Variants in SMG7 observed in about 807,000 individuals in gnomAD.
SMG7 encodes the protein SMG7 nonsense mediated mRNA decay factor, also known as nonsense-mediated mRNA decay factor SMG7.
Under a neutral mutation model 148.2 loss-of-function variants are expected in SMG7, and 34 were observed. The ratio of observed to expected loss-of-function variants is 0.23; its 90% confidence interval spans 0.17 to 0.31. The LOEUF (loss-of-function observed/expected upper bound fraction) is 0.31. SMG7 is among the 10% of genes least tolerant of loss of function. SMG7 has a pLI of 1.00. For synonymous variants in SMG7, 492 were observed against 515.1 expected, an observed-to-expected ratio of 0.96 and a Z score of 0.61; for missense variants, 1,114 against 1,408.4, an observed-to-expected ratio of 0.79 and a Z score of 3.35.
rs1024444457 is a variant in SMG7 at position 183,553,489 on chromosome 1, G to A, written c.*1558G>A. 1.7e-5 allele frequency: 6 copies of A among 350,684 alleles called. No individual in the cohort carries two copies. The highest frequency in any genetic ancestry group is 3.2e-5 in the Non-Finnish European group (6 of 186,906). The allele number at this position is 350,684 out of a possible 1,614,324, so 21.7% of individuals were successfully genotyped here. On this transcript the variant is annotated 3_prime_UTR_variant, in exon 23 of 23. Coordinates refer to ENST00000688051, the MANE Select transcript of SMG7 (RefSeq NM_001375584.1). ...GGAGTTAGTGTGGAACTTAAGAGCT[G>A]GAAGACAGCTGTAGAGCAAAGCACA... is the stretch of plus-strand genomic sequence containing the variant.
intron 19 of SMG7, among the ~76,000 whole-genome samples, 186 bp downstream of exon 19, chr1:183,549,474 C>G (rs1670580925): frequency 6.6e-6 from 1 of 152,146 alleles, no homozygotes; most frequent in Admixed American, 6.5e-5. Context: ...TGAATTAAAA[C>G]CCTTTAACTT....
intron 1 of SMG7, chr1:183,473,840 G>C: frequency 1.0e-6 from 1 of 985,338 alleles, no homozygotes; most frequent in Non-Finnish European, 1.2e-6. Flanking sequence ...AGTCACTTTA[G>C]CTGTTTAGTG....
chr1:183,473,722 A>G (rs1651377641), intron 1 of SMG7: 1 of 984,968 alleles, frequency 1.0e-6, no homozygotes, highest in Non-Finnish European at 1.2e-6. Flanking sequence ...GTCTTTCAGG[A>G]GCAGAACTAA....
chr1:183,496,546 A>G (rs534806058), intron 1 of SMG7, among the ~76,000 whole-genome samples: 108 of 152,286 alleles, frequency 7.1e-4, no homozygotes, highest in African/African-American at 2.6e-3. Context: ...AAATCCAGTG[A>G]TTAGTTCTCA....
At position 183,526,748 on chromosome 1, in the gene SMG7, C is replaced by G; in HGVS notation, c.465C>G (p.Leu155=). Residue 155 remains leucine, a synonymous_variant, in exon 5 of 23, where the codon CTC becomes CTG. Transcript: ENST00000688051. ...GTTCCTATATCTGCCAGCACTGCCTCGTCCACCTTGGAGACATTGGTGAGC... is the reference window on the plus strand; with the variant it reads ...GTTCCTATATCTGCCAGCACTGCCTGGTCCACCTTGGAGACATTGGTGAGC... ...SSCSYICQHC[L]VHLGDIARYR... 6.2e-7 allele frequency: 1 copy of G among 1,613,204 alleles called. No individual in the cohort carries two copies. Among genetic ancestry groups the G allele is most frequent in the Non-Finnish European group, 8.5e-7 (1 of 1,179,548 alleles).
At chr1:183,494,411 T>C (rs1381944779) in intron 1 of SMG7, among the ~76,000 whole-genome samples, 2 of 151,316 alleles carry the variant, frequency 1.3e-5, no homozygotes, top group African/African-American at 4.8e-5. Flanking sequence ...TAAATAAGTT[T>C]TAAAACAAAG....
chr1:183,527,569 A>AAT lies in SMG7; in HGVS notation c.485-385_485-384dup. The AAT allele has an allele frequency of 2.2e-6, 1 of 457,832 alleles. No homozygotes were observed. Among genetic ancestry groups the AAT allele is most frequent in the Non-Finnish European group, 4.5e-6 (1 of 219,978 alleles). The allele number at this position is 457,832 out of a possible 1,614,324, so 28.4% of individuals were successfully genotyped here. On this transcript the variant is annotated intron_variant, in intron 5 of 22. Coordinates refer to ENST00000688051, the MANE Select transcript of SMG7 (RefSeq NM_001375584.1). The surrounding 1 kb of genome is among the most constrained non-coding windows in gnomAD (Gnocchi z 4.0). ...AAAATCACTTTATAAAATATTGAAA[A>AAT]ATACATAATTTTCAGATCATATTGT...
chr1:183,476,858 T>G (rs1230018605), intron 1 of SMG7, among the ~76,000 whole-genome samples: 1 of 152,198 alleles, frequency 6.6e-6, no homozygotes, highest in African/African-American at 2.4e-5. Context: ...TTTTCTCTTT[T>G]GATTTATGAC....
Position 183,529,186 on chromosome 1 carries a change from G to A in SMG7, c.707+144G>A, listed in dbSNP as rs1009683828. On this transcript the variant is annotated intron_variant, in intron 7 of 22. Coordinates refer to ENST00000688051, the MANE Select transcript of SMG7 (RefSeq NM_001375584.1). ...ATAGATTTTTCATAATTTGTGTATA[G>A]TCACTGAATTTCATCCAATCAATAT... 1.6e-5 allele frequency: 15 copies of A among 954,178 alleles called. No homozygotes were observed. The East Asian group carries it at 3.8e-4, about 24-fold the overall frequency. 59.1% of individuals were successfully genotyped at this position (954,178 alleles called of 1,614,324 possible). A position where few individuals can be genotyped will look rare whatever the true frequency, so the allele number is the denominator to read the frequency against.
intron 4 of SMG7, among the ~76,000 whole-genome samples, chr1:183,524,959 A>T (rs1342350464): frequency 6.6e-6 from 1 of 151,822 alleles, no homozygotes; most frequent in Non-Finnish European, 1.5e-5. Flanking sequence ...CCATTTAGCT[A>T]CAAGCTCATG....
chr1:183,531,830 T>C (rs1276276445), intron 8 of SMG7, among the ~76,000 whole-genome samples: 1 of 152,174 alleles, frequency 6.6e-6, no homozygotes, highest in Non-Finnish European at 1.5e-5. Context: ...TATTCTCATT[T>C]TATGCCAGTA....
chr1:183,551,696 A>G, intron 22 of SMG7, 122 bp from the exon 23 acceptor site: 1 of 583,290 alleles, frequency 1.7e-6, no homozygotes, highest in Non-Finnish European at 2.9e-6. Context: ...CTGGATTTTT[A>G]TGGGGAGTGG....
At chr1:183,474,284 C>G (rs1190683213) in intron 1 of SMG7, among the ~76,000 whole-genome samples, 2 of 152,176 alleles carry the variant, frequency 1.3e-5, no homozygotes, top group Non-Finnish European at 2.9e-5. Context: ...CAAACGTTGC[C>G]GGGCACGGGG....
intron 1 of SMG7, among the ~76,000 whole-genome samples, chr1:183,501,848 T>TTAATTGTTTTACATATTTTTTACA (rs1659803456): frequency 6.6e-6 from 1 of 152,228 alleles, no homozygotes; most frequent in Non-Finnish European, 1.5e-5. Context: ...TAATTGTGTT[T>TTAATTGTTTTACATATTTTTTACA]TAATTGTTTT....
chr1:183,533,405 C>T, intron 9 of SMG7, 79 bp downstream of exon 9: 1 of 1,409,632 alleles, frequency 7.1e-7, no homozygotes, highest in Non-Finnish European at 9.8e-7. Context: ...TAGCAAAGCA[C>T]AGTGACATAA....
intron 1 of SMG7, among the ~76,000 whole-genome samples, chr1:183,512,374 C>T (rs1662340340): frequency 6.6e-6 from 1 of 152,052 alleles, no homozygotes. Flanking sequence ...ATTGTTTTCC[C>T]TGAGGTATGG....
chr1:183,544,647 GTT>G, intron 15 of SMG7, 150 bp downstream of exon 15: 1 of 879,832 alleles, frequency 1.1e-6, no homozygotes, highest in Non-Finnish European at 1.7e-6. Flanking sequence ...TTTTTGAACT[GTT>G]TGTGTGTAGT....
At chr1:183,540,809 T>C (rs1668684207) in intron 12 of SMG7, among the ~76,000 whole-genome samples, 175 bp from the exon 13 acceptor site, 2 of 152,262 alleles carry the variant, frequency 1.3e-5, no homozygotes, top group South Asian at 4.1e-4. Flanking sequence ...CTTTGTTTCA[T>C]AGTTTGTAAA....
chr1:183,500,081 G>A (rs1659407389), intron 1 of SMG7, among the ~76,000 whole-genome samples: 1 of 152,156 alleles, frequency 6.6e-6, no homozygotes, highest in Non-Finnish European at 1.5e-5. Context: ...CTTGTTTAAT[G>A]TAAAAATTGA....
Sources: allele counts gnomAD v4.1 joint callset (sites outside exome capture counted in the v4.1 genomes callset), GRCh38; gene constraint gnomAD v4.1.1; non-coding constraint Gnocchi (gnomAD v3.1); transcripts MANE v1.5; gene names NCBI Gene and HGNC (gene_info 2026-07-23, HGNC 2026-07-21).